Variants in ZNF33B observed in about 807,000 individuals in gnomAD.
ZNF33B encodes the protein zinc finger protein 11b (KOX 2).
In ZNF33B, 29 loss-of-function variants were observed where a neutral mutation model predicts 45.8. That is an observed-to-expected ratio of 0.63 (90% CI 0.47 to 0.86). The LOEUF (loss-of-function observed/expected upper bound fraction) is 0.86. Among genes scored for constraint, ZNF33B ranks in the 40% least tolerant of loss-of-function variants. The pLI is 0.00. For synonymous variants in ZNF33B, 305 were observed against 307.8 expected (o/e 0.99, Z 0.10); for missense variants, 831 against 909.9 (o/e 0.91, Z 1.12).
At chr10:42,629,576 C>T (rs577811406) in intron 4 of ZNF33B, among the ~76,000 whole-genome samples, 2 of 152,108 alleles carry the variant, frequency 1.3e-5, no homozygotes, top group Non-Finnish European at 1.5e-5. Flanking sequence ...ATAAATACAC[C>T]TACTATGTAC....
rs1007408189 is a variant in ZNF33B, at chr10:42,606,097, C to CA, written c.251-11399dup. Among the ~76,000 whole-genome samples the CA allele has an allele frequency of 9.3e-5, 11 of 118,530 alleles. 1 individual carries two copies. The highest frequency in any genetic ancestry group is 3.2e-4 in the African/African-American group (10 of 30,908). The allele number at this position is 118,530 out of a possible 152,430, so 77.8% of individuals were successfully genotyped here. On this transcript the variant is annotated intron_variant, in intron 4 of 4. Transcript: ENST00000359467. ...TCAAGGACTCAGAGAGACCCTGTTT[C>CA]AAAAAAAAGAAATACATTGATAAAC...
chr10:42,593,496 G>T lies in ZNF33B; in HGVS notation c.1454C>A (p.Thr485Lys). Residue 485 changes from threonine (T) to lysine (K), a missense_variant, in exon 5 of 5, where the codon ACA (threonine) becomes AAA (lysine). Coordinates refer to ENST00000359467, the MANE Select transcript of ZNF33B (RefSeq NM_006955.3). ...GKSFCQKSHLTQHQRTHIGDK... is the reference protein window; with the variant it reads ...GKSFCQKSHLKQHQRTHIGDK... ...TCCTATGTGAGTTCTCTGATGCTGT[G>T]TAAGATGTGACTTTTGACAAAAGGA... The T allele has an allele frequency of 6.2e-7, 1 of 1,614,048 alleles. No homozygotes were observed. Among genetic ancestry groups the T allele is most frequent in the Non-Finnish European group, 8.5e-7 (1 of 1,179,980 alleles).
downstream of ZNF33B, among the ~76,000 whole-genome samples, chr10:42,587,046 G>C (rs1191258581): frequency 6.6e-6 from 1 of 152,088 alleles, no homozygotes; most frequent in Non-Finnish European, 1.5e-5. Context: ...TGTCAGAAAG[G>C]AGAGGGGCAA....
chr10:42,603,267 T>C (rs116019293), intron 4 of ZNF33B, among the ~76,000 whole-genome samples: 2,546 of 151,700 alleles, frequency 0.017, 74 homozygotes, highest in African/African-American at 0.059. Context: ...GGACAGAGAG[T>C]TCCAAAACTC....
At chr10:42,632,168 A>C in intron 3 of ZNF33B, 127 bp downstream of exon 3, 2 of 1,490,084 alleles carry the variant, frequency 1.3e-6, no homozygotes, top group Non-Finnish European at 1.8e-6. Context: ...TCTGGTGCTC[A>C]ATCAACACTG....
Position 42,593,329 on chromosome 10 carries a change from T to G in ZNF33B, c.1621A>C (p.Thr541Pro). 8 of 1,613,946 alleles carry G rather than the reference T, an allele frequency of 5.0e-6. No individual in the cohort carries two copies. Among genetic ancestry groups the G allele is most frequent in the Non-Finnish European group, 6.8e-6 (8 of 1,179,956 alleles). ...CCTGTGTGCGTTCTCTGATGTATTG[T>G]GAGGTCTGACTTCAAGCAGAAGGTT... ...GKTFCLKSDL[T>P]IHQRTHTGEK... The change falls in exon 5 of 5, where the codon ACA (threonine) becomes CCA (proline). Residue 541 changes from threonine to proline, a missense_variant. Physicochemically the swap from Thr to Pro is conservative, Grantham distance 38. Transcript: ENST00000359467.
At chr10:42,599,638 A>T (rs1837542566) in intron 4 of ZNF33B, among the ~76,000 whole-genome samples, 1 of 152,002 alleles carries the variant, frequency 6.6e-6, no homozygotes. Context: ...GCATTTACAT[A>T]TGGTGGATAT....
chr10:42,627,295 C>G (rs897747534), intron 4 of ZNF33B, among the ~76,000 whole-genome samples: 1 of 152,238 alleles, frequency 6.6e-6, no homozygotes, highest in African/African-American at 2.4e-5. Flanking sequence ...TGAGCCACCA[C>G]ACCTGGCCTA....
intron 2 of ZNF33B, among the ~76,000 whole-genome samples, chr10:42,634,098 G>A (rs1839179295): frequency 6.6e-6 from 1 of 152,230 alleles, no homozygotes; most frequent in African/African-American, 2.4e-5. Flanking sequence ...ACTGGGGAAA[G>A]AAAATAATCA....
At chr10:42,576,958 C>T (rs1836757100) in intron 1 of ZNF33B, among the ~76,000 whole-genome samples, 1 of 151,920 alleles carries the variant, frequency 6.6e-6, no homozygotes, top group Non-Finnish European at 1.5e-5. Context: ...CAAGATGAAA[C>T]CCTGTCTCTA....
chr10:42,584,449 C>A (rs1183076347), downstream of ZNF33B, among the ~76,000 whole-genome samples: 1 of 152,028 alleles, frequency 6.6e-6, no homozygotes, highest in African/African-American at 2.4e-5. Context: ...GGGTGCTGCT[C>A]CACAACGTGC....
chr10:42,600,590 T>C (rs557326550), intron 4 of ZNF33B, among the ~76,000 whole-genome samples: 227 of 152,320 alleles, frequency 1.5e-3, no homozygotes, highest in African/African-American at 5.0e-3. Context: ...GGCAGCATGA[T>C]TGGATCTTAT....
chr10:42,577,132 C>CAAAAAAAAA (rs71014272), intron 1 of ZNF33B, among the ~76,000 whole-genome samples: 1 of 81,662 alleles, frequency 1.2e-5, no homozygotes, highest in African/African-American at 5.1e-5. Flanking sequence ...GACTCCATCT[C>CAAAAAAAAA]AAAAAAAAAA....
At chr10:42,576,037 C>T (rs575840511) in intron 1 of ZNF33B, among the ~76,000 whole-genome samples, 7 of 152,196 alleles carry the variant, frequency 4.6e-5, no homozygotes, top group Admixed American at 3.9e-4. Context: ...ATTACAGGTG[C>T]CTGCCACCAT....
At chr10:42,609,020 G>GA (rs1169180647) in intron 4 of ZNF33B, among the ~76,000 whole-genome samples, 2 of 151,842 alleles carry the variant, frequency 1.3e-5, no homozygotes, top group African/African-American at 4.8e-5. Context: ...CAACAAAATG[G>GA]AAAAATCCAT....
chr10:42,628,092 C>A (rs536598070), intron 4 of ZNF33B, among the ~76,000 whole-genome samples: 1 of 152,286 alleles, frequency 6.6e-6, no homozygotes, highest in South Asian at 2.1e-4. Context: ...TCTTGGCTCA[C>A]TGGAACCTTT....
In ZNF33B at chr10:42,631,964, C is replaced by A. The variant is rs374919132; in HGVS notation, c.215G>T (p.Arg72Ile). 4 of 1,614,046 alleles carry A rather than the reference C, an allele frequency of 2.5e-6. No individual in the cohort carries two copies. The African/African-American group carries it at 4.0e-5, about 16-fold the overall frequency. The change falls in exon 4 of 5, where the codon AGA becomes ATA. Residue 72 changes from arginine (R) to isoleucine (I), a missense_variant. Physicochemically the swap from Arg to Ile is moderately conservative, Grantham distance 97 (BLOSUM62 -3). Transcript: ENST00000359467. The stretch of plus-strand genomic sequence containing the variant: ...CTGGCTTGGGAATTCTTCCTCCAGT[C>A]TCCATGGTTCTTCTCCTTGTTCCAG... ...FRLEQGEEPW[R>I]LEEEFPSQSF...
At position 42,592,829 on chromosome 10, in the gene ZNF33B, T is replaced by A. The variant is rs1486768112; in HGVS notation, c.2121A>T (p.Ser707=). The stretch of plus-strand genomic sequence containing the variant: ...TGTGAGCCCTGTGATGTACTGTGAG[T>A]GATGATTTGTGACTGAAGGATTTCC... ...ECGKSFSHKS[S]LTVHHRAHTG... The change falls in exon 5 of 5, where the codon TCA becomes TCT. Residue 707 remains serine, a synonymous_variant. Transcript: ENST00000359467. 6.2e-7 allele frequency: 1 copy of A among 1,614,126 alleles called. No homozygotes were observed. Among genetic ancestry groups the A allele is most frequent in the Admixed American group, 1.7e-5 (1 of 60,028 alleles).
intron 1 of ZNF33B, chr10:42,581,904 C>G (rs1353130393): frequency 6.6e-6 from 1 of 152,270 alleles, no homozygotes; most frequent in Admixed American, 6.5e-5. Flanking sequence ...CACCCAAGGT[C>G]AGGAGTTCAA....
Sources: gnomAD v4.1 joint callset for allele counts (sites outside exome capture counted in the v4.1 genomes callset) on GRCh38, gnomAD v4.1.1 for gene constraint, MANE v1.5 for transcripts, NCBI Gene and HGNC (gene_info 2026-07-23, HGNC 2026-07-21) for gene names.